Variants in PCDHGA6 observed in about 807,000 individuals in gnomAD.
PCDHGA6 encodes protocadherin gamma-A6.
A neutral mutation model predicts 60.6 loss-of-function variants in PCDHGA6; 41 were observed. The ratio of observed to expected loss-of-function variants is 0.68; its 90% CI spans 0.53 to 0.88. PCDHGA6 has a LOEUF of 0.88. Ranked by LOEUF, PCDHGA6 falls within the 40% of genes least tolerant of loss-of-function variation. The probability of loss-of-function intolerance (pLI) is 0.00; values close to 1 mark genes in which losing one functional copy is unlikely to be tolerated. For synonymous variants in PCDHGA6, 594 were observed against 524.4 expected, an observed-to-expected ratio of 1.13 and a Z score of -1.81; for missense variants, 1,312 against 1,203.0, an observed-to-expected ratio of 1.09 and a Z score of -1.34.
At chr5:141,394,109 G>A (rs764779834) in intron 1 of PCDHGA6, 3 of 1,613,898 alleles carry the variant, frequency 1.9e-6, no homozygotes, top group East Asian at 4.5e-5. Flanking sequence ...CACCACCTCT[G>A]TCCACTGAAA....
In PCDHGA6 at chr5:141,395,061, C is replaced by G. The variant is rs751602382; in HGVS notation, c.2424+18554C>G. 1.5e-5 allele frequency: 25 copies of G among 1,614,158 alleles called. No individual in the cohort carries two copies. In the African/African-American group the frequency reaches 3.2e-4, roughly 21 times the overall value. On this transcript the variant is annotated intron_variant, in intron 1 of 3. Coordinates refer to ENST00000517434, the MANE Select transcript of PCDHGA6 (RefSeq NM_018919.3). ...GGGTGTTGAGGAGGTACAGGCTTTCCTGCAGACCTATTCCCAGGAAGTCTC... is the reference window on the plus strand; with the variant it reads ...GGGTGTTGAGGAGGTACAGGCTTTCGTGCAGACCTATTCCCAGGAAGTCTC...
At chr5:141,419,934 T>C (rs1427601115) in intron 1 of PCDHGA6, 3 of 1,613,952 alleles carry the variant, frequency 1.9e-6, no homozygotes, top group Non-Finnish European at 2.5e-6. Flanking sequence ...CAGTTTTACC[T>C]GGTGGTGGCC....
At chr5:141,376,594 G>A in intron 1 of PCDHGA6, 87 bp downstream of exon 1, 2 of 1,525,706 alleles carry the variant, frequency 1.3e-6, no homozygotes, top group Non-Finnish European at 1.8e-6. Flanking sequence ...TAGATCGGCT[G>A]TTATAGAAGC....
intron 2 of PCDHGA6, 147 bp from the exon 3 acceptor site, chr5:141,505,246 G>A (rs2099844792): frequency 2.1e-6 from 3 of 1,436,556 alleles, no homozygotes; most frequent in African/African-American, 1.4e-5. Flanking sequence ...AAGGATTGTA[G>A]AAGTGCCTCC....
At position 141,489,193 on chromosome 5, in the gene PCDHGA6, G is replaced by A; in HGVS notation, c.2425-5614G>A. The A allele has an allele frequency of 2.2e-6, 3 of 1,369,230 alleles. No individual in the cohort carries two copies. Among genetic ancestry groups the A allele is most frequent in the Non-Finnish European group, 3.0e-6 (3 of 1,000,290 alleles). 84.8% of individuals were successfully genotyped at this position (1,369,230 alleles called of 1,614,324 possible). On this transcript the variant is annotated intron_variant, in intron 1 of 3. Coordinates refer to ENST00000517434, the MANE Select transcript of PCDHGA6 (RefSeq NM_018919.3). The surrounding 1 kb of genome is among the most constrained non-coding windows in gnomAD (Gnocchi z 4.5). ...GCATTCCAAGCCCTGGGTCTACCTT[G>A]GAGACAGGACAGCACAGACTTACTC...
chr5:141,461,072 A>C (rs555905734), intron 1 of PCDHGA6, among the ~76,000 whole-genome samples: 1 of 151,688 alleles, frequency 6.6e-6, no homozygotes, highest in African/African-American at 2.4e-5. Context: ...ACATTTTTGC[A>C]ATTGTGAATT....
chr5:141,484,907 C>T, intron 1 of PCDHGA6: 1 of 409,994 alleles, frequency 2.4e-6, no homozygotes, highest in Non-Finnish European at 4.3e-6. Context: ...AATGCTGCGA[C>T]GCATTAACCC....
intron 1 of PCDHGA6, chr5:141,399,237 AGATTCTG>A: frequency 6.2e-7 from 1 of 1,614,002 alleles, no homozygotes; most frequent in South Asian, 1.1e-5. Context: ...TACATGACCA[AGATTCTG>A]GGGAAAATGG....
At position 141,427,172 on chromosome 5, in the gene PCDHGA6, TG is replaced by T. The variant is rs757372749; in HGVS notation, c.2424+50669del. ...ATATGTTTGTGCTAGACCATCAAAA[TG>T]GGGAAATTAAATCCAAAGACTTAAT... On this transcript the variant is annotated intron_variant, in intron 1 of 3. Coordinates refer to ENST00000517434, the MANE Select transcript of PCDHGA6 (RefSeq NM_018919.3). The T allele has an allele frequency of 3.9e-5, 18 of 456,596 alleles. 1 individual carries two copies. The highest frequency in any genetic ancestry group is 2.6e-4 in the South Asian group (17 of 64,568). 28.3% of individuals were successfully genotyped at this position (456,596 alleles called of 1,614,324 possible). A position where few individuals can be genotyped will look rare whatever the true frequency, so the allele number is the denominator to read the frequency against.
Position 141,501,940 on chromosome 5 carries a change from C to T in PCDHGA6, c.2484-3453C>T, listed in dbSNP as rs565207980. Among the ~76,000 whole-genome samples the T allele has an allele frequency of 2.6e-5, 4 of 152,250 alleles. No individual in the cohort carries two copies. In the East Asian group the frequency reaches 7.7e-4, roughly 29 times the overall value. On this transcript the variant is annotated intron_variant, in intron 2 of 3. Transcript: ENST00000517434. ...CAGCTTTGTTCCCTCAACACCACTG[C>T]TCCCTGTGACAGGTCATCCTCCTAA...
At chr5:141,399,991 G>T (rs1226741326) in intron 1 of PCDHGA6, 3 of 1,612,304 alleles carry the variant, frequency 1.9e-6, no homozygotes, top group Admixed American at 3.3e-5. Context: ...CACAGGAGAG[G>T]TGCGCACAGC....
intron 1 of PCDHGA6, chr5:141,394,087 C>G (rs2092917292): frequency 6.2e-7 from 1 of 1,613,770 alleles, no homozygotes; most frequent in Admixed American, 1.7e-5. Flanking sequence ...GTGATGGCCT[C>G]AGATCTAGGA....
Position 141,409,997 on chromosome 5 carries a change from G to A in PCDHGA6, c.2424+33490G>A. 1.9e-6 allele frequency: 3 copies of A among 1,613,224 alleles called. No homozygotes were observed. The African/African-American group carries it at 4.0e-5, about 22-fold the overall frequency. ...GGTGGTAGCGGTGGACGCCGACTCG[G>A]GACACAACGCCTGGCTGTCCTACCA... On this transcript the variant is annotated intron_variant, in intron 1 of 3. Coordinates refer to ENST00000517434, the MANE Select transcript of PCDHGA6 (RefSeq NM_018919.3).
intron 1 of PCDHGA6, among the ~76,000 whole-genome samples, chr5:141,468,041 T>C (rs972340736): frequency 4.6e-5 from 7 of 152,120 alleles, no homozygotes; most frequent in Admixed American, 3.9e-4. Flanking sequence ...TTTAGAAAAC[T>C]AAGCCGGGCA....
chr5:141,413,012 A>G (rs937468289), intron 1 of PCDHGA6: 10 of 657,718 alleles, frequency 1.5e-5, no homozygotes, highest in Middle Eastern at 4.2e-4. Flanking sequence ...GGCTTCAACT[A>G]CACAAGCCCC....
Position 141,491,686 on chromosome 5 carries a change from C to A in PCDHGA6, c.2425-3121C>A. The A allele has an allele frequency of 6.2e-7, 1 of 1,612,970 alleles. No homozygotes were observed. The highest frequency in any genetic ancestry group is 8.5e-7 in the Non-Finnish European group (1 of 1,179,558). Reference sequence around the variant, plus strand: ...CATCCGGTCCCGCTCTAATACGCTGCGGGAGCGGAGCCAGGTGAGGGGCTC... The same window carrying A: ...CATCCGGTCCCGCTCTAATACGCTGAGGGAGCGGAGCCAGGTGAGGGGCTC... On this transcript the variant is annotated intron_variant, in intron 1 of 3. Coordinates refer to ENST00000517434, the MANE Select transcript of PCDHGA6 (RefSeq NM_018919.3). The surrounding 1 kb of genome is among the most constrained non-coding windows in gnomAD (Gnocchi z 6.9).
At chr5:141,456,827 G>A (rs183303757) in intron 1 of PCDHGA6, among the ~76,000 whole-genome samples, 13 of 152,236 alleles carry the variant, frequency 8.5e-5, no homozygotes, top group South Asian at 2.1e-4. Flanking sequence ...AGCCATCGTG[G>A]TAGTGGGCGC....
chr5:141,506,085 G>A lies in PCDHGA6; in HGVS notation c.2572+604G>A, dbSNP rs532931472. Among the ~76,000 whole-genome samples the A allele has an allele frequency of 2.6e-4, 39 of 152,168 alleles. 1 individual carries two copies. In the South Asian group the frequency reaches 2.9e-3, roughly 11 times the overall value. On this transcript the variant is annotated intron_variant, in intron 3 of 3. Coordinates refer to ENST00000517434, the MANE Select transcript of PCDHGA6 (RefSeq NM_018919.3). ...AGGGCTTCCTTTGTAATAGAGATTC[G>A]GCTAGTGGTGGTTGTCCCTGAAGAG...
intron 1 of PCDHGA6, chr5:141,387,746 C>T (rs1051013306): frequency 1.5e-6 from 2 of 1,365,936 alleles, no homozygotes; most frequent in Non-Finnish European, 9.8e-7. Flanking sequence ...ACACCGCTTC[C>T]TCCTCGGAAA....
Sources: gnomAD v4.1 joint callset for allele counts (sites outside exome capture counted in the v4.1 genomes callset) on GRCh38, gnomAD v4.1.1 for gene constraint, Gnocchi (gnomAD v3.1) non-coding constraint, MANE v1.5 for transcripts, NCBI Gene and HGNC (gene_info 2026-07-23, HGNC 2026-07-21) for gene names.